The following TENM3 variants were observed in gnomAD, a reference collection of about 807,000 sequenced individuals.
TENM3 encodes teneurin-3.
In TENM3, 63 loss-of-function variants were observed where a neutral mutation model predicts 255.1. That is an observed-to-expected ratio of 0.25 (90% CI 0.20 to 0.30). The LOEUF is 0.30. Ranked by LOEUF, TENM3 falls within the 10% of genes least tolerant of loss-of-function variation. TENM3 has a pLI of 1.00. For missense variants in TENM3, 2,929 were observed against 3,461.1 expected, an observed-to-expected ratio of 0.85 and a Z score of 3.86; for synonymous variants, 1,306 against 1,322.3, an observed-to-expected ratio of 0.99 and a Z score of 0.27.
At chr4:182,140,896 A>G (rs1330052890), upstream of TENM3, among the ~76,000 whole-genome samples, 2 of 152,182 alleles carry the variant, frequency 1.3e-5, no homozygotes, top group East Asian at 3.9e-4. Context: ...GTGGAGCAGC[A>G]GGGCAGGGTG....
chr4:181,757,409 A>G, the TENM3 span, among the ~76,000 whole-genome samples: 1 of 152,128 alleles, frequency 6.6e-6, no homozygotes, highest in Admixed American at 6.6e-5. Flanking sequence ...CATATTTCTC[A>G]TGTTTTGGAG....
At chr4:181,962,287 C>T in the TENM3 span, among the ~76,000 whole-genome samples, 3 of 152,302 alleles carry the variant, frequency 2.0e-5, no homozygotes, top group Middle Eastern at 3.4e-3. Flanking sequence ...AGCCAGGATC[C>T]AAATTCCAGA....
chr4:181,482,848 A>C, the TENM3 span, among the ~76,000 whole-genome samples: 1 of 152,144 alleles, frequency 6.6e-6, no homozygotes, highest in African/African-American at 2.4e-5. Context: ...AGCAGAAATA[A>C]ATATAAATGG....
intron 3 of TENM3, among the ~76,000 whole-genome samples, chr4:182,564,186 G>A (rs1698120405): frequency 6.6e-6 from 1 of 152,000 alleles, no homozygotes; most frequent in South Asian, 2.1e-4. Flanking sequence ...TTCTGAGGCA[G>A]CTTGTTCTAT....
the TENM3 span, among the ~76,000 whole-genome samples, chr4:181,476,864 G>C: frequency 6.6e-6 from 1 of 152,076 alleles, no homozygotes; most frequent in Non-Finnish European, 1.5e-5. Context: ...ACAGTCTCTG[G>C]ATGGGATTTG....
At chr4:182,633,387 G>A (rs938957672) in intron 5 of TENM3, among the ~76,000 whole-genome samples, 1 of 152,154 alleles carries the variant, frequency 6.6e-6, no homozygotes. Context: ...TGATGAGGAC[G>A]TGCATAAAAA....
At chr4:182,231,423 A>C (rs1756573039) in intron 1 of TENM3, among the ~76,000 whole-genome samples, 1 of 152,274 alleles carries the variant, frequency 6.6e-6, no homozygotes, top group East Asian at 1.9e-4. Flanking sequence ...TAGCATGCAT[A>C]ATTATGTCTG....
At chr4:181,586,570 G>A in the TENM3 span, among the ~76,000 whole-genome samples, 3 of 152,044 alleles carry the variant, frequency 2.0e-5, no homozygotes, top group Non-Finnish European at 2.9e-5. Context: ...GGCCAGGTGC[G>A]GTGGCTCACA....
chr4:182,118,370 T>A, the TENM3 span, among the ~76,000 whole-genome samples: 1 of 152,140 alleles, frequency 6.6e-6, no homozygotes, highest in African/African-American at 2.4e-5. Flanking sequence ...CTGATCTTAG[T>A]GGGAAAGCTT....
chr4:182,274,408 C>T (rs560930616), intron 1 of TENM3, among the ~76,000 whole-genome samples: 26 of 152,226 alleles, frequency 1.7e-4, no homozygotes, highest in African/African-American at 5.5e-4. Flanking sequence ...CCCTAAGGAG[C>T]GATATAGTGT....
chr4:182,712,681 C>T (rs375528914), intron 12 of TENM3, among the ~76,000 whole-genome samples: 2 of 152,206 alleles, frequency 1.3e-5, no homozygotes, highest in Non-Finnish European at 2.9e-5. Flanking sequence ...TCAAGTTCCA[C>T]AGTGGAGGAG....
intron 3 of TENM3, among the ~76,000 whole-genome samples, chr4:182,595,642 C>T (rs1056324536): frequency 2.4e-4 from 37 of 151,942 alleles, no homozygotes; most frequent in African/African-American, 7.0e-4. Flanking sequence ...AGGAAAGGCA[C>T]GTGGAAAGAA....
the TENM3 span, among the ~76,000 whole-genome samples, chr4:181,858,119 G>A: frequency 1.3e-5 from 2 of 152,194 alleles, no homozygotes; most frequent in Non-Finnish European, 2.9e-5. Context: ...ATTATGTTGA[G>A]ACAGGGTCCC....
the TENM3 span, among the ~76,000 whole-genome samples, chr4:181,986,636 G>A: frequency 6.6e-6 from 1 of 151,858 alleles, no homozygotes; most frequent in South Asian, 2.1e-4. Flanking sequence ...CTCCAAGCAC[G>A]TCCTCTTCCC....
At chr4:182,354,823 A>AT (rs1417577166) in intron 3 of TENM3, among the ~76,000 whole-genome samples, 1 of 152,234 alleles carries the variant, frequency 6.6e-6, no homozygotes, top group Non-Finnish European at 1.5e-5. Flanking sequence ...TCTGATGACT[A>AT]TTGCCTTGAC....
chr4:181,919,994 T>C, the TENM3 span, among the ~76,000 whole-genome samples: 7 of 151,120 alleles, frequency 4.6e-5, no homozygotes, highest in African/African-American at 9.7e-5. Context: ...TTTGGTTTTT[T>C]GTTCTTGCGA....
At chr4:182,585,831 T>C (rs1745966267) in intron 3 of TENM3, among the ~76,000 whole-genome samples, 1 of 152,224 alleles carries the variant, frequency 6.6e-6, no homozygotes, top group Non-Finnish European at 1.5e-5. Context: ...ATAAGATCCA[T>C]GAAAGACTAT....
chr4:182,058,707 T>C, the TENM3 span, among the ~76,000 whole-genome samples: 1 of 152,172 alleles, frequency 6.6e-6, no homozygotes, highest in Non-Finnish European at 1.5e-5. Flanking sequence ...AAAAAGCTGA[T>C]ATTTTTATCG....
At chr4:182,290,015 G>A (rs1174689854) in intron 1 of TENM3, among the ~76,000 whole-genome samples, 1 of 152,160 alleles carries the variant, frequency 6.6e-6, no homozygotes, top group Non-Finnish European at 1.5e-5. Context: ...GCCCTACGGT[G>A]CTGTCCAAGG....
Sources: allele counts gnomAD v4.1 joint callset (sites outside exome capture counted in the v4.1 genomes callset), GRCh38; gene constraint gnomAD v4.1.1; transcripts MANE v1.5; gene names NCBI Gene and HGNC (gene_info 2026-07-23, HGNC 2026-07-21).